Variants in NME7 observed in about 807,000 individuals in gnomAD.
The protein encoded by NME7 is nucleoside diphosphate kinase 7.
NME7 carries 41 observed loss-of-function variants against 49.1 expected under a neutral mutation model. The observed-to-expected ratio is 0.83, with a 90% CI of 0.65 to 1.08. NME7 has a LOEUF of 1.08. Ranked by LOEUF, NME7 falls within the 50% of genes least tolerant of loss-of-function variation. The probability of loss-of-function intolerance (pLI) is 0.00; values close to 1 mark genes in which losing one functional copy is unlikely to be tolerated. For missense variants in NME7, 423 were observed against 463.4 expected (o/e 0.91, Z 0.80); for synonymous variants, 139 against 150.6 (o/e 0.92, Z 0.56).
intron 10 of NME7, among the ~76,000 whole-genome samples, chr1:169,197,021 T>C (rs1237109490): frequency 6.6e-6 from 1 of 152,142 alleles, no homozygotes; most frequent in African/African-American, 2.4e-5. Context: ...AGGAAATTTG[T>C]GCAGATTTGT....
chr1:169,192,385 T>A (rs1660258218), intron 10 of NME7, among the ~76,000 whole-genome samples: 4 of 152,226 alleles, frequency 2.6e-5, no homozygotes, highest in Admixed American at 2.6e-4. Flanking sequence ...AAACTTTTTT[T>A]CTTATTATTC....
intron 11 of NME7, among the ~76,000 whole-genome samples, chr1:169,143,530 T>C (rs1391790945): frequency 1.3e-5 from 2 of 152,196 alleles, no homozygotes; most frequent in Non-Finnish European, 2.9e-5. Context: ...AATCAGAATT[T>C]ATACTTGTCC....
intron 7 of NME7, among the ~76,000 whole-genome samples, chr1:169,274,004 T>C (rs1204424163): frequency 7.6e-6 from 1 of 132,248 alleles, no homozygotes; most frequent in East Asian, 2.0e-4. Context: ...CTGGGTCAAA[T>C]GGTATTTCTA....
chr1:169,357,400 T>C (rs1156260713), intron 1 of NME7, among the ~76,000 whole-genome samples: 1 of 152,066 alleles, frequency 6.6e-6, no homozygotes, highest in Admixed American at 6.6e-5. Context: ...GCTTATTATG[T>C]CAAGTTTGAT....
At chr1:169,205,804 A>T (rs1660658697) in intron 10 of NME7, among the ~76,000 whole-genome samples, 1 of 152,156 alleles carries the variant, frequency 6.6e-6, no homozygotes, top group Non-Finnish European at 1.5e-5. Flanking sequence ...TCAGAGTAAA[A>T]GCTAAAGTAT....
At chr1:169,321,985 A>G (rs900142057) in intron 3 of NME7, among the ~76,000 whole-genome samples, 1 of 152,226 alleles carries the variant, frequency 6.6e-6, no homozygotes, top group African/African-American at 2.4e-5. Flanking sequence ...TACAGAAATT[A>G]AAGCCAAGAA....
intron 8 of NME7, among the ~76,000 whole-genome samples, chr1:169,237,286 AT>A (rs1315380399): frequency 6.6e-6 from 1 of 152,020 alleles, no homozygotes; most frequent in African/African-American, 2.4e-5. Flanking sequence ...ACTCATCACA[AT>A]TTCTCACTTT....
At chr1:169,340,779 C>T (rs996515320) in intron 1 of NME7, among the ~76,000 whole-genome samples, 8 of 152,210 alleles carry the variant, frequency 5.3e-5, no homozygotes, top group Non-Finnish European at 4.4e-5. Flanking sequence ...CATTTTGCCT[C>T]TGCCTTAGAG....
intron 11 of NME7, among the ~76,000 whole-genome samples, chr1:169,156,331 A>G: frequency 6.9e-6 from 1 of 145,232 alleles, no homozygotes; most frequent in East Asian, 2.3e-4. Context: ...AAAAAAAATT[A>G]AAAAGCCATC....
intron 7 of NME7, among the ~76,000 whole-genome samples, chr1:169,241,319 G>A (rs981205160): frequency 1.3e-5 from 2 of 151,702 alleles, no homozygotes; most frequent in Non-Finnish European, 2.9e-5. Flanking sequence ...GCCTTGATTC[G>A]TTCTAAGGCA....
rs1313772765 is a variant in NME7 at position 169,257,804 on chromosome 1, C to A, written c.755-20117G>T. ...TTCATTTACAAAACTTAGTTTTGTT[C>A]TGGATACAAAATTCTTGACTGACAG... is the stretch of plus-strand genomic sequence containing the variant. On this transcript the variant is annotated intron_variant, in intron 7 of 11. Coordinates refer to ENST00000367811, the MANE Select transcript of NME7 (RefSeq NM_013330.5). 2.2e-5 allele frequency among the ~76,000 whole-genome samples: 3 copies of A among 133,594 alleles called. 1 individual carries two copies. The highest frequency in any genetic ancestry group is 7.3e-5 in the Admixed American group (1 of 13,616). 87.6% of individuals were successfully genotyped at this position (133,594 alleles called of 152,430 possible).
intron 11 of NME7, among the ~76,000 whole-genome samples, chr1:169,144,852 TAAAATGACTA>T (rs1395928874): frequency 2.0e-5 from 3 of 152,132 alleles, no homozygotes; most frequent in African/African-American, 7.2e-5. Flanking sequence ...TTTACCCCAG[TAAAATGACTA>T]AAAATTGCAT....
chr1:169,156,852 TA>T (rs2101829038), intron 11 of NME7, among the ~76,000 whole-genome samples: 1 of 152,326 alleles, frequency 6.6e-6, no homozygotes, highest in Admixed American at 6.5e-5. Context: ...AACTGGGCCA[TA>T]AAGAATTACA....
At chr1:169,191,773 G>A (rs1462351743) in intron 10 of NME7, among the ~76,000 whole-genome samples, 4 of 151,940 alleles carry the variant, frequency 2.6e-5, no homozygotes, top group Non-Finnish European at 4.4e-5. Flanking sequence ...AGTGCTATTT[G>A]CATATTACAT....
At chr1:169,252,974 A>G (rs1648703197) in intron 7 of NME7, among the ~76,000 whole-genome samples, 1 of 149,262 alleles carries the variant, frequency 6.7e-6, no homozygotes, top group Admixed American at 6.7e-5. Context: ...GCCTTGTAGT[A>G]TAGTTTGAAG....
In NME7 at chr1:169,323,240, T is replaced by C. The variant is rs762770469; in HGVS notation, c.155A>G (p.Tyr52Cys). ...TAAATCTTCCAAGTGCAGGTTATCA[T>C]ATTTGGTCCGCTTTAAAAAGGTGCG... ...NHRTFLKRTK[Y>C]DNLHLEDLFI... Residue 52 changes from tyrosine (Y) to cysteine (C), a missense_variant, in exon 3 of 12, where the codon TAT becomes TGT. Coordinates refer to ENST00000367811, the MANE Select transcript of NME7 (RefSeq NM_013330.5). 3 of 1,606,122 alleles carry C rather than the reference T, an allele frequency of 1.9e-6. No individual in the cohort carries two copies. Among genetic ancestry groups the C allele is most frequent in the South Asian group, 1.1e-5 (1 of 88,970 alleles).
At chr1:169,164,697 C>G (rs758648535) in intron 11 of NME7, among the ~76,000 whole-genome samples, 1 of 152,094 alleles carries the variant, frequency 6.6e-6, no homozygotes, top group Admixed American at 6.6e-5. Context: ...TGTAAACATG[C>G]GTATTATTTC....
rs1275169599 is a variant in NME7, at chr1:169,169,465, T to C, written c.1080A>G (p.Pro360=). The part of the protein sequence containing the change: ...IQNAVHCTDL[P]EDGLLEVQYF... Reference sequence around the variant, plus strand: ...ATCTTACCTCTAATAGGCCATCCTCTGGCAGATCAGTACAGTGAACAGCAT... The same window carrying C: ...ATCTTACCTCTAATAGGCCATCCTCCGGCAGATCAGTACAGTGAACAGCAT... The change falls in exon 11 of 12, where the codon CCA becomes CCG. Residue 360 remains proline (P), a synonymous_variant. Transcript: ENST00000367811. 2 of 1,613,524 alleles carry C rather than the reference T, an allele frequency of 1.2e-6. No individual in the cohort carries two copies. Among genetic ancestry groups the C allele is most frequent in the Non-Finnish European group, 1.7e-6 (2 of 1,179,666 alleles).
At chr1:169,137,321 C>A (rs1369325146) in intron 11 of NME7, among the ~76,000 whole-genome samples, 1 of 152,226 alleles carries the variant, frequency 6.6e-6, no homozygotes, top group Non-Finnish European at 1.5e-5. Flanking sequence ...CATTTTTATT[C>A]TGCACCAGTT....
Sources: allele counts gnomAD v4.1 joint callset (sites outside exome capture counted in the v4.1 genomes callset), GRCh38; gene constraint gnomAD v4.1.1; transcripts MANE v1.5; gene names NCBI Gene and HGNC (gene_info 2026-07-23, HGNC 2026-07-21).